PREX2: variants seen among roughly 807,000 people sequenced by gnomAD.
PREX2 encodes phosphatidylinositol 3,4,5-trisphosphate-dependent Rac exchanger 2 protein.
Under a neutral mutation model 203.2 loss-of-function variants are expected in PREX2, and 107 were observed. The observed-to-expected ratio is 0.53, with a 90% CI of 0.45 to 0.62. The LOEUF (loss-of-function observed/expected upper bound fraction) is 0.62, where lower values mean the gene tolerates loss of function less well. Ranked by LOEUF, PREX2 falls within the 20% of genes least tolerant of loss-of-function variation. The pLI, the probability that PREX2 is intolerant of heterozygous loss-of-function variation, is 0.00. For missense variants in PREX2, 1,777 were observed against 1,955.9 expected (o/e 0.91, Z 1.72); for synonymous variants, 672 against 663.6 (o/e 1.01, Z -0.19).
At chr8:68,211,700 A>G (rs984120183) in intron 37 of PREX2, among the ~76,000 whole-genome samples, 1 of 152,220 alleles carries the variant, frequency 6.6e-6, no homozygotes, top group Non-Finnish European at 1.5e-5. Flanking sequence ...GTTCCAAGAT[A>G]GTTTGAAAGT....
intron 37 of PREX2, among the ~76,000 whole-genome samples, chr8:68,209,070 T>TAAAAAAAAAAAAAAAAAAA (rs994362514): frequency 8.7e-6 from 1 of 115,092 alleles, no homozygotes; most frequent in Non-Finnish European, 1.8e-5. Flanking sequence ...TGGACTCATT[T>TAAAAAAAAAAAAAAAAAAA]AAAAAAAAAA....
chr8:68,036,863 C>T (rs756421560), intron 6 of PREX2, among the ~76,000 whole-genome samples: 1 of 152,032 alleles, frequency 6.6e-6, no homozygotes, highest in Non-Finnish European at 1.5e-5. Flanking sequence ...GAATCGCTTT[C>T]CAGGAGGCGG....
At chr8:68,101,476 G>A (rs969540563) in intron 23 of PREX2, 16 of 518,492 alleles carry the variant, frequency 3.1e-5, no homozygotes, top group Non-Finnish European at 5.8e-5. Flanking sequence ...TGACTGCTGA[G>A]TTCAGTTCAC....
chr8:68,192,597 T>G (rs1812320258), intron 37 of PREX2, 72 bp downstream of exon 37: 4 of 1,272,178 alleles, frequency 3.1e-6, no homozygotes, highest in Non-Finnish European at 4.3e-6. Context: ...GTTTACATTT[T>G]GGCTTCACAA....
chr8:68,028,783 A>T (rs1296152246), intron 5 of PREX2, among the ~76,000 whole-genome samples: 1 of 152,014 alleles, frequency 6.6e-6, no homozygotes, highest in African/African-American at 2.4e-5. Context: ...TTAAGAAGGG[A>T]TAGGGAGATT....
chr8:68,222,709 CAA>C lies in PREX2; in HGVS notation c.4708-1836_4708-1835del, dbSNP rs575924238. ...GTCCCTAAATATATTTATTAACTAC[CAA>C]AAAAAAAAAAAAAGCAATGAGTAAC... On this transcript the variant is annotated intron_variant, in intron 38 of 39. Transcript: ENST00000288368. Among the ~76,000 whole-genome samples the C allele has an allele frequency of 5.1e-4, 59 of 115,618 alleles. 1 individual carries two copies. Among genetic ancestry groups the C allele is most frequent in the African/African-American group, 1.4e-3 (43 of 30,850 alleles). 75.8% of individuals were successfully genotyped at this position (115,618 alleles called of 152,430 possible).
chr8:68,099,456 C>G (rs1331304743), intron 22 of PREX2, among the ~76,000 whole-genome samples: 1 of 152,154 alleles, frequency 6.6e-6, no homozygotes, highest in Non-Finnish European at 1.5e-5. Flanking sequence ...AAATTTCAAA[C>G]AGACAAGTCA....
intron 1 of PREX2, among the ~76,000 whole-genome samples, chr8:67,986,996 A>G (rs376714039): frequency 9.9e-4 from 151 of 152,060 alleles, no homozygotes; most frequent in African/African-American, 3.2e-3. Flanking sequence ...TACTAAAAAT[A>G]CAAAAAATTA....
intron 23 of PREX2, among the ~76,000 whole-genome samples, chr8:68,101,980 C>T (rs780095755): frequency 2.6e-5 from 4 of 152,114 alleles, no homozygotes; most frequent in East Asian, 3.9e-4. Flanking sequence ...AAATAAATGT[C>T]GGAGATCCTC....
At chr8:68,195,858 A>T (rs932516894) in intron 37 of PREX2, among the ~76,000 whole-genome samples, 8 of 152,364 alleles carry the variant, frequency 5.3e-5, no homozygotes, top group Admixed American at 1.3e-4. Flanking sequence ...AATGTTTTTT[A>T]AAACTATTGA....
intron 35 of PREX2, among the ~76,000 whole-genome samples, chr8:68,162,098 C>T (rs1183715542): frequency 6.6e-6 from 1 of 152,146 alleles, no homozygotes; most frequent in Non-Finnish European, 1.5e-5. Flanking sequence ...TCAATTACCT[C>T]CCACTTGGTC....
In PREX2 at chr8:67,973,609, A is replaced by G. The variant is rs145536843; in HGVS notation, c.141+21074A>G. Among the ~76,000 whole-genome samples the G allele has an allele frequency of 9.9e-3, 1,502 of 152,066 alleles. 20 individuals are homozygous for G. Among genetic ancestry groups the G allele is most frequent in the African/African-American group, 0.028 (1,160 of 41,472 alleles). On this transcript the variant is annotated intron_variant, in intron 1 of 39. Coordinates refer to ENST00000288368, the MANE Select transcript of PREX2 (RefSeq NM_024870.4). Reference sequence around the variant, plus strand: ...TTCATACCACTTTTATCTTCTTGTCACTTCCTATATAGGTTCTTGTCACTA... The same window carrying G: ...TTCATACCACTTTTATCTTCTTGTCGCTTCCTATATAGGTTCTTGTCACTA...
At chr8:67,966,910 C>T (rs1277654116) in intron 1 of PREX2, among the ~76,000 whole-genome samples, 1 of 152,134 alleles carries the variant, frequency 6.6e-6, no homozygotes, top group Non-Finnish European at 1.5e-5. Context: ...TTCCTGCTTT[C>T]ATGGAGCTCT....
intron 35 of PREX2, among the ~76,000 whole-genome samples, chr8:68,160,411 A>G (rs1811631621): frequency 6.6e-6 from 1 of 152,126 alleles, no homozygotes; most frequent in South Asian, 2.1e-4. Context: ...AAGCATAATT[A>G]TCACTGATAA....
intron 35 of PREX2, among the ~76,000 whole-genome samples, chr8:68,174,710 T>G (rs998019687): frequency 6.6e-6 from 1 of 152,224 alleles, no homozygotes; most frequent in Non-Finnish European, 1.5e-5. Flanking sequence ...ACCTTGTCTT[T>G]TTTGTTGTTG....
chr8:68,134,339 G>A lies in PREX2; in HGVS notation c.3984+63G>A, dbSNP rs1346547322. 3 of 1,287,032 alleles carry A rather than the reference G, an allele frequency of 2.3e-6. No homozygotes were observed. The Admixed American group carries it at 5.3e-5, about 23-fold the overall frequency. The allele number at this position is 1,287,032 out of a possible 1,614,324, so 79.7% of individuals were successfully genotyped here. ...TGTAACCTGCACTGTAACATGTTTTGAAATAAGAAGTAGTTATTTCTTTCC... is the reference window on the plus strand; with the variant it reads ...TGTAACCTGCACTGTAACATGTTTTAAAATAAGAAGTAGTTATTTCTTTCC... On this transcript the variant is annotated intron_variant, in intron 32 of 39. Transcript: ENST00000288368.
At chr8:68,124,263 A>G (rs1810841916) in intron 30 of PREX2, among the ~76,000 whole-genome samples, 1 of 152,142 alleles carries the variant, frequency 6.6e-6, no homozygotes, top group Non-Finnish European at 1.5e-5. Context: ...GGTAGACTGG[A>G]TAAAGAAAAT....
chr8:68,072,535 A>G lies in PREX2; in HGVS notation c.1534A>G (p.Met512Val). ...TTTAAGGACCTACAAATCTGTGGTC[A>G]TGGCCAACAAACTGATAGACTGGTT... The part of the protein sequence containing the change: ...YHLRTYKSVV[M>V]ANKLIDWLIA... The change falls in exon 14 of 40, where the codon ATG (methionine) becomes GTG (valine). Residue 512 changes from methionine (M) to valine (V), a missense_variant. Physicochemically the swap from Met to Val is conservative, Grantham distance 21. Coordinates refer to ENST00000288368, the MANE Select transcript of PREX2 (RefSeq NM_024870.4). 4 of 1,597,226 alleles carry G rather than the reference A, an allele frequency of 2.5e-6. No homozygotes were observed. The highest frequency in any genetic ancestry group is 1.7e-5 in the Admixed American group (1 of 59,828).
chr8:68,053,064 T>G, intron 8 of PREX2, 33 bp from the exon 9 acceptor site: 3 of 1,592,708 alleles, frequency 1.9e-6, no homozygotes, highest in Admixed American at 1.7e-5. Context: ...TGTATTACAT[T>G]TTGTTCATTT....
Sources: allele counts gnomAD v4.1 joint callset (sites outside exome capture counted in the v4.1 genomes callset), GRCh38; gene constraint gnomAD v4.1.1; transcripts MANE v1.5; gene names NCBI Gene and HGNC (gene_info 2026-07-23, HGNC 2026-07-21).